Variants in PPDPFL observed in about 807,000 individuals in gnomAD.
PPDPFL encodes the protein pancreatic progenitor cell differentiation and proliferation factor like.
Under a neutral mutation model 12.6 loss-of-function variants are expected in PPDPFL, and 12 were observed. The ratio of observed to expected loss-of-function variants is 0.95; its 90% CI spans 0.61 to 1.54. PPDPFL has a LOEUF of 1.54. Among genes scored for constraint, PPDPFL ranks in the 40% most tolerant of loss-of-function variants. The probability of loss-of-function intolerance (pLI) is 0.00; values close to 1 mark genes in which losing one functional copy is unlikely to be tolerated. For synonymous variants in PPDPFL, 24 were observed against 32.7 expected (o/e 0.73, Z 0.91); for missense variants, 114 against 96.0 (o/e 1.19, Z -0.78).
chr8:49,064,470 C>T (rs569711690), intron 1 of PPDPFL, among the ~76,000 whole-genome samples: 2 of 152,190 alleles, frequency 1.3e-5, no homozygotes, highest in African/African-American at 4.8e-5. Context: ...TGAGGAGATG[C>T]TCCTCAGGGA....
chr8:49,061,459 C>G (rs1457154026), intron 1 of PPDPFL, among the ~76,000 whole-genome samples: 1 of 152,120 alleles, frequency 6.6e-6, no homozygotes, highest in African/African-American at 2.4e-5. Context: ...ATTACAGTGG[C>G]CTTAGCAAAT....
intron 1 of PPDPFL, among the ~76,000 whole-genome samples, chr8:49,061,676 G>C (rs1213849638): frequency 2.6e-5 from 4 of 152,176 alleles, no homozygotes; most frequent in Non-Finnish European, 5.9e-5. Context: ...TGCCAGAGGA[G>C]AGTGGGGAAT....
chr8:49,075,570 C>G lies in PPDPFL; in HGVS notation c.*397C>G. The G allele has an allele frequency of 5.9e-6, 2 of 339,408 alleles. No individual in the cohort carries two copies. Among genetic ancestry groups the G allele is most frequent in the Non-Finnish European group, 1.1e-5 (2 of 185,492 alleles). 21.0% of individuals were successfully genotyped at this position (339,408 alleles called of 1,614,324 possible). ...AAAGTAGCTCTTTCATTTTTTATAT[C>G]ATTTTTATTAAAAAAACTTAAGTTA... On this transcript the variant is annotated 3_prime_UTR_variant, in exon 5 of 5. Transcript: ENST00000522267.
At chr8:49,073,910 T>C (rs1563301868) in intron 2 of PPDPFL, 149 bp from the exon 3 acceptor site, 1 of 614,944 alleles carries the variant, frequency 1.6e-6, no homozygotes, top group Non-Finnish European at 2.9e-6. Context: ...TATTGATTGG[T>C]AATTTGATCA....
intron 1 of PPDPFL, among the ~76,000 whole-genome samples, chr8:49,057,995 G>C (rs1808138474): frequency 6.6e-6 from 1 of 152,172 alleles, no homozygotes; most frequent in African/African-American, 2.4e-5. Flanking sequence ...AAAAAATAAA[G>C]GCATAGGGGA....
At position 49,072,807 on chromosome 8, in the gene PPDPFL, G is replaced by T; in HGVS notation, c.-24G>T. ...TTCAGATTAATGCTCACAGCTTCTT[G>T]GGTGCTTTCTCACGGGTAAAGCCAT... On this transcript the variant is annotated 5_prime_UTR_variant, in exon 2 of 5. Coordinates refer to ENST00000522267, the MANE Select transcript of PPDPFL (RefSeq NM_001256597.2). 2 of 1,581,818 alleles carry T rather than the reference G, an allele frequency of 1.3e-6. No homozygotes were observed. The highest frequency in any genetic ancestry group is 1.7e-6 in the Non-Finnish European group (2 of 1,165,676).
rs916870706 is a variant in PPDPFL at position 49,075,510 on chromosome 8, T to A, written c.*337T>A. ...TGCCTTTAGAAACAAGACACCCTTT[T>A]AAAGTAATATGTCTTCAAATGTTGT... On this transcript the variant is annotated 3_prime_UTR_variant, in exon 5 of 5. Coordinates refer to ENST00000522267, the MANE Select transcript of PPDPFL (RefSeq NM_001256597.2). 7 of 561,080 alleles carry A rather than the reference T, an allele frequency of 1.2e-5. No individual in the cohort carries two copies. The highest frequency in any genetic ancestry group is 3.2e-5 in the Admixed American group (1 of 31,312). 34.8% of individuals were successfully genotyped at this position (561,080 alleles called of 1,614,324 possible).
Position 49,075,555 on chromosome 8 carries a change from T to G in PPDPFL, c.*382T>G. ...TGTTGTGACTTACATAAAGTAGCTCTTTCATTTTTTATATCATTTTTATTA... is the reference window on the plus strand; with the variant it reads ...TGTTGTGACTTACATAAAGTAGCTCGTTCATTTTTTATATCATTTTTATTA... On this transcript the variant is annotated 3_prime_UTR_variant, in exon 5 of 5. Transcript: ENST00000522267. 2.4e-6 allele frequency: 1 copy of G among 423,142 alleles called. No homozygotes were observed. Among genetic ancestry groups the G allele is most frequent in the Non-Finnish European group, 4.2e-6 (1 of 236,680 alleles). 26.2% of individuals were successfully genotyped at this position (423,142 alleles called of 1,614,324 possible).
chr8:49,055,149 G>T (rs1808093069), intron 1 of PPDPFL, among the ~76,000 whole-genome samples: 1 of 151,942 alleles, frequency 6.6e-6, no homozygotes, highest in South Asian at 2.1e-4. Context: ...TTGGTTTCTG[G>T]GCTCTATGAT....
intron 2 of PPDPFL, among the ~76,000 whole-genome samples, chr8:49,073,197 C>T (rs1563301669): frequency 6.6e-6 from 1 of 152,274 alleles, no homozygotes; most frequent in Non-Finnish European, 1.5e-5. Context: ...GATAATTTTA[C>T]ATAAATAAAG....
At chr8:49,071,064 T>C (rs1262424839), upstream of PPDPFL, among the ~76,000 whole-genome samples, 3 of 152,190 alleles carry the variant, frequency 2.0e-5, no homozygotes, top group Non-Finnish European at 4.4e-5. Context: ...GTAATCACTC[T>C]TCTGTTGTCT....
At chr8:49,066,188 T>A (rs893417567) in intron 1 of PPDPFL, among the ~76,000 whole-genome samples, 1 of 152,210 alleles carries the variant, frequency 6.6e-6, no homozygotes, top group Admixed American at 6.5e-5. Context: ...GTCGGGTGGA[T>A]GATGCCCAAT....
intron 1 of PPDPFL, among the ~76,000 whole-genome samples, chr8:49,064,002 G>A (rs574563376): frequency 8.1e-4 from 123 of 152,268 alleles, no homozygotes; most frequent in Middle Eastern, 3.4e-3. Flanking sequence ...TTTTTATGGA[G>A]GGTTGGTCAT....
chr8:49,068,608 T>C (rs1237750003), upstream of PPDPFL, among the ~76,000 whole-genome samples: 2 of 152,010 alleles, frequency 1.3e-5, no homozygotes, highest in Non-Finnish European at 2.9e-5. Flanking sequence ...AGCAACAAAA[T>C]TTAAATAGGT....
At chr8:49,074,936 A>G (rs1311212643) in intron 4 of PPDPFL, 1 of 1,379,676 alleles carries the variant, frequency 7.2e-7, no homozygotes, top group Non-Finnish European at 9.5e-7. Flanking sequence ...CAATGTTGAA[A>G]TATAGTGATT....
At chr8:49,057,255 TA>T (rs1808124990) in intron 1 of PPDPFL, among the ~76,000 whole-genome samples, 1 of 152,210 alleles carries the variant, frequency 6.6e-6, no homozygotes, top group African/African-American at 2.4e-5. Flanking sequence ...ATGAAATATT[TA>T]TCAACATTTT....
At chr8:49,059,674 T>C (rs1212509583) in intron 1 of PPDPFL, among the ~76,000 whole-genome samples, 4 of 152,214 alleles carry the variant, frequency 2.6e-5, no homozygotes, top group Non-Finnish European at 4.4e-5. Flanking sequence ...TATATAGTAA[T>C]AATACTTTAG....
At chr8:49,067,200 T>C (rs1264782239) in intron 1 of PPDPFL, among the ~76,000 whole-genome samples, 2 of 152,244 alleles carry the variant, frequency 1.3e-5, no homozygotes, top group Admixed American at 1.3e-4. Context: ...ATATCACTTG[T>C]GGAGGCCCAG....
chr8:49,067,239 C>G lies in PPDPFL; in HGVS notation c.-44-5548C>G, dbSNP rs193224081. ...TAGTCAATAACTAGTTTTTGGCAAC[C>G]TTTTCTGCAACAATTATGAAATGAA... On this transcript the variant is annotated intron_variant, in intron 1 of 4. Transcript: ENST00000517663. Among the ~76,000 whole-genome samples the G allele has an allele frequency of 4.2e-3, 641 of 152,214 alleles. 4 individuals are homozygous for G. Among genetic ancestry groups the G allele is most frequent in the African/African-American group, 0.015 (618 of 41,528 alleles).
Sources: allele counts gnomAD v4.1 joint callset (sites outside exome capture counted in the v4.1 genomes callset), GRCh38; gene constraint gnomAD v4.1.1; transcripts MANE v1.5; gene names NCBI Gene and HGNC (gene_info 2026-07-23, HGNC 2026-07-21).